LEPR: variants seen among roughly 807,000 people sequenced by gnomAD.
The protein encoded by LEPR is leptin receptor, also known as OB receptor.
LEPR carries 56 observed loss-of-function variants against 114.7 expected under a neutral mutation model. The ratio of observed to expected loss-of-function variants is 0.49; its 90% CI spans 0.39 to 0.61. The LOEUF (loss-of-function observed/expected upper bound fraction) is 0.61. LEPR is among the 20% of genes least tolerant of loss of function. LEPR has a pLI of 0.00. For missense variants in LEPR, 1,202 were observed against 1,352.9 expected (o/e 0.89, Z 1.75); for synonymous variants, 443 against 461.4 (o/e 0.96, Z 0.51).
At chr1:65,629,185 A>G (rs1658387207) in intron 19 of LEPR, 1 of 212,580 alleles carries the variant, frequency 4.7e-6, no homozygotes, top group South Asian at 6.4e-5. Context: ...TTAAACTTCC[A>G]TTTCTTGTTC....
intron 2 of LEPR, among the ~76,000 whole-genome samples, chr1:65,484,841 T>C (rs535566094): frequency 6.6e-6 from 1 of 152,236 alleles, no homozygotes; most frequent in South Asian, 2.1e-4. Flanking sequence ...AATCTGAAAA[T>C]TGCATGCTTC....
intron 2 of LEPR, among the ~76,000 whole-genome samples, chr1:65,549,912 T>C (rs1476163813): frequency 6.6e-6 from 1 of 152,144 alleles, no homozygotes; most frequent in Non-Finnish European, 1.5e-5. Flanking sequence ...TTTCCAGTTT[T>C]TCTGCTCTGT....
At chr1:65,510,513 G>A (rs943437184) in intron 2 of LEPR, among the ~76,000 whole-genome samples, 6 of 152,192 alleles carry the variant, frequency 3.9e-5, no homozygotes, top group Non-Finnish European at 8.8e-5. Flanking sequence ...CTTCTTTCTG[G>A]ACACTGTGCT....
rs370451876 is a variant in LEPR, at chr1:65,616,109, G to C, written c.2097G>C (p.Thr699=). The part of the protein sequence containing the change: ...GTWSEDVGNH[T]KFTFLWTEQA... Reference sequence around the variant, plus strand: ...GGTCAGAAGATGTGGGAAATCACACGAAATTCACTTTCCTGTGGACAGAGC... The same window carrying C: ...GGTCAGAAGATGTGGGAAATCACACCAAATTCACTTTCCTGTGGACAGAGC... The change falls in exon 15 of 20, where the codon ACG becomes ACC. Residue 699 remains threonine (T), a synonymous_variant. Transcript: ENST00000349533. The C allele has an allele frequency of 1.2e-6, 2 of 1,614,178 alleles. No homozygotes were observed. Among genetic ancestry groups the C allele is most frequent in the Middle Eastern group, 1.6e-4 (1 of 6,062 alleles).
chr1:65,582,705 C>T (rs962002588), intron 5 of LEPR, among the ~76,000 whole-genome samples: 1 of 152,118 alleles, frequency 6.6e-6, no homozygotes, highest in Non-Finnish European at 1.5e-5. Context: ...TGATCTAAGG[C>T]AAACCCTTTG....
rs1403376301 is a variant in LEPR at position 65,592,640 on chromosome 1, C to T, written c.495-17C>T. The stretch of plus-strand genomic sequence containing the variant: ...TTCATATCTGTTTTAATATTTAGCT[C>T]TTATTTTTCAATATAGGCCTGAAGT... On this transcript the variant is annotated splice_polypyrimidine_tract_variant and intron_variant, in intron 5 of 19. Transcript: ENST00000349533. 1.9e-6 allele frequency: 3 copies of T among 1,611,496 alleles called. No individual in the cohort carries two copies. Among genetic ancestry groups the T allele is most frequent in the South Asian group, 2.2e-5 (2 of 90,970 alleles).
At chr1:65,482,762 C>T (rs951018544) in intron 2 of LEPR, among the ~76,000 whole-genome samples, 24 of 151,980 alleles carry the variant, frequency 1.6e-4, no homozygotes, top group African/African-American at 2.4e-5. Context: ...CCAAGGCAGG[C>T]GTATCACAAG....
In LEPR at chr1:65,437,547, T is replaced by C. The variant is rs117605302; in HGVS notation, c.-21+12169T>C. 2.3e-3 allele frequency among the ~76,000 whole-genome samples: 348 copies of C among 151,956 alleles called. 8 individuals carry two copies. The East Asian group carries it at 0.063, about 28-fold the overall frequency. The stretch of plus-strand genomic sequence containing the variant: ...AAGGCCATAAAAGGTCACAAAAGGC[T>C]GAGGCAGGAGAATCCTGAACCCGAA... On this transcript the variant is annotated intron_variant, in intron 2 of 19. Transcript: ENST00000349533.
intron 2 of LEPR, among the ~76,000 whole-genome samples, chr1:65,430,529 T>C (rs571375350): frequency 9.8e-5 from 15 of 152,330 alleles, no homozygotes; most frequent in Admixed American, 9.1e-4. Context: ...AGACAAAAAC[T>C]TTCTTTTTGT....
chr1:65,518,153 G>C (rs2100571123), intron 2 of LEPR, among the ~76,000 whole-genome samples: 1 of 152,182 alleles, frequency 6.6e-6, no homozygotes. Context: ...TTATCAGGCT[G>C]TTTCTTGTCT....
chr1:65,509,014 A>C (rs1377960478), intron 2 of LEPR, among the ~76,000 whole-genome samples: 1 of 151,982 alleles, frequency 6.6e-6, no homozygotes, highest in Non-Finnish European at 1.5e-5. Flanking sequence ...TAGGAATGCT[A>C]CTGATTTTTG....
intron 2 of LEPR, among the ~76,000 whole-genome samples, chr1:65,511,283 A>G (rs10889558): frequency 0.67 from 101,714 of 151,952 alleles, 35,048 homozygotes; most frequent in Middle Eastern, 0.86. Context: ...ACCAACATCC[A>G]CACAACCTGG....
chr1:65,488,234 T>TTCTTTCTTTCTTTCTTTCTA (rs1647667121), intron 2 of LEPR, among the ~76,000 whole-genome samples: 1 of 90,898 alleles, frequency 1.1e-5, no homozygotes. Context: ...CTCTCTTTCT[T>TTCTTTCTTTCTTTCTTTCTA]TCTTTCTTTC....
intron 2 of LEPR, among the ~76,000 whole-genome samples, chr1:65,445,916 G>C (rs1413458912): frequency 7.9e-5 from 12 of 152,072 alleles, no homozygotes; most frequent in Admixed American, 7.9e-4. Context: ...TTAATATTAT[G>C]GGGTTCTTTT....
At chr1:65,581,446 AG>A (rs1425591604) in intron 5 of LEPR, among the ~76,000 whole-genome samples, 1 of 136,280 alleles carries the variant, frequency 7.3e-6, no homozygotes, top group African/African-American at 2.6e-5. Flanking sequence ...AATGGTTGAA[AG>A]GCTTTTTTTT....
chr1:65,433,298 T>C (rs1179415069), intron 2 of LEPR: 1 of 985,318 alleles, frequency 1.0e-6, no homozygotes, highest in Non-Finnish European at 1.2e-6. Flanking sequence ...CGTGTTGATG[T>C]ACTTGTCTTC....
chr1:65,598,197 G>T (rs1010978448), intron 7 of LEPR, among the ~76,000 whole-genome samples: 4 of 147,582 alleles, frequency 2.7e-5, no homozygotes, highest in African/African-American at 1.0e-4. Flanking sequence ...GTCTCCCAAA[G>T]TGTTGGGATT....
intron 2 of LEPR, among the ~76,000 whole-genome samples, chr1:65,442,005 T>A (rs1057496278): frequency 3.3e-5 from 5 of 152,060 alleles, no homozygotes; most frequent in African/African-American, 1.2e-4. Context: ...GTGGGGTTAA[T>A]GTGGGCTGAG....
chr1:65,536,596 A>G (rs1650796849), intron 2 of LEPR, among the ~76,000 whole-genome samples: 1 of 152,182 alleles, frequency 6.6e-6, no homozygotes, highest in South Asian at 2.1e-4. Flanking sequence ...TAAGAATTAT[A>G]TATATAAACA....
Sources: allele counts gnomAD v4.1 joint callset (sites outside exome capture counted in the v4.1 genomes callset), GRCh38; gene constraint gnomAD v4.1.1; transcripts MANE v1.5; gene names NCBI Gene and HGNC (gene_info 2026-07-23, HGNC 2026-07-21).